Variants in AUTS2 observed in about 807,000 individuals in gnomAD.
The protein encoded by AUTS2 is activator of transcription and developmental regulator AUTS2.
Under a neutral mutation model 112.4 loss-of-function variants are expected in AUTS2, and 17 were observed. That is an observed-to-expected ratio of 0.15 (90% CI 0.10 to 0.23). The LOEUF (loss-of-function observed/expected upper bound fraction) is 0.23. Among genes scored for constraint, AUTS2 ranks in the 10% least tolerant of loss-of-function variants. The pLI is 1.00. For synonymous variants in AUTS2, 751 were observed against 702.7 expected (o/e 1.07, Z -1.09); for missense variants, 1,510 against 1,701.6 (o/e 0.89, Z 1.98).
chr7:70,681,525 A>AT (rs11312953), intron 5 of AUTS2, among the ~76,000 whole-genome samples: 38 of 97,786 alleles, frequency 3.9e-4, no homozygotes, highest in African/African-American at 1.2e-3. Context: ...ATATATATAT[A>AT]TTTTTTTTTT....
At chr7:70,677,376 C>T (rs754329884) in intron 5 of AUTS2, among the ~76,000 whole-genome samples, 1 of 152,200 alleles carries the variant, frequency 6.6e-6, no homozygotes, top group African/African-American at 2.4e-5. Flanking sequence ...AAATTCATCT[C>T]GTCCCAAGCA....
chr7:70,401,066 A>G (rs760455627), intron 4 of AUTS2, among the ~76,000 whole-genome samples: 4 of 152,172 alleles, frequency 2.6e-5, no homozygotes, highest in Non-Finnish European at 4.4e-5. Flanking sequence ...TATGGGAGGT[A>G]TTTTTGAGAG....
chr7:70,061,140 C>T (rs1802227180), intron 2 of AUTS2, among the ~76,000 whole-genome samples: 1 of 152,164 alleles, frequency 6.6e-6, no homozygotes, highest in Admixed American at 6.5e-5. Context: ...CTCAAGGGTT[C>T]ATTCTGGTTC....
intron 5 of AUTS2, among the ~76,000 whole-genome samples, chr7:70,569,304 GT>G (rs1301161441): frequency 1.3e-5 from 2 of 152,218 alleles, no homozygotes; most frequent in Admixed American, 6.5e-5. Flanking sequence ...AGCTCATAAA[GT>G]TGGTTCAAAC....
intron 1 of AUTS2, among the ~76,000 whole-genome samples, chr7:69,894,087 A>G (rs1455245154): frequency 1.3e-5 from 2 of 151,908 alleles, no homozygotes; most frequent in East Asian, 1.9e-4. Context: ...CTATTCTCCA[A>G]ACCTATTCAC....
chr7:69,827,375 C>G (rs1052770473), intron 1 of AUTS2, among the ~76,000 whole-genome samples: 1 of 152,058 alleles, frequency 6.6e-6, no homozygotes, highest in Non-Finnish European at 1.5e-5. Context: ...GCGCAGCACA[C>G]TTACCTCCAT....
intron 1 of AUTS2, among the ~76,000 whole-genome samples, chr7:69,604,002 G>A (rs1029164017): frequency 6.6e-6 from 1 of 152,134 alleles, no homozygotes; most frequent in Non-Finnish European, 1.5e-5. Context: ...TGTGCACTGG[G>A]TTCTTAGGGC....
At chr7:69,947,128 G>C (rs1269148555) in intron 2 of AUTS2, among the ~76,000 whole-genome samples, 1 of 152,188 alleles carries the variant, frequency 6.6e-6, no homozygotes. Context: ...GATTGAGGGA[G>C]GGAGCCATTG....
intron 6 of AUTS2, among the ~76,000 whole-genome samples, chr7:70,761,424 A>T (rs1338331434): frequency 6.6e-6 from 1 of 152,270 alleles, no homozygotes; most frequent in Non-Finnish European, 1.5e-5. Flanking sequence ...CGCCCAGGGC[A>T]GTTCATTTAA....
At position 69,624,339 on chromosome 7, in the gene AUTS2, G is replaced by GT. The variant is rs544021599; in HGVS notation, c.309+24385dup. ...GTACATGATAAAATGTGGTTTCTTA[G>GT]TTTTTTTTAAAAAAAGTTCCTTCCT... On this transcript the variant is annotated intron_variant, in intron 1 of 18. Transcript: ENST00000342771. 5.7e-3 allele frequency among the ~76,000 whole-genome samples: 866 copies of GT among 151,988 alleles called. 1 individual carries two copies. The highest frequency in any genetic ancestry group is 9.7e-3 in the Admixed American group (148 of 15,274).
Position 69,885,671 on chromosome 7 carries a change from A to G in AUTS2, c.310-13615A>G, listed in dbSNP as rs192316010. ...TGTGTTGCCAGTTGCTGATTTTCTCACTTTGGAAAGTCACTTGTTTACCCA... is the reference window on the plus strand; with the variant it reads ...TGTGTTGCCAGTTGCTGATTTTCTCGCTTTGGAAAGTCACTTGTTTACCCA... On this transcript the variant is annotated intron_variant, in intron 1 of 18. Coordinates refer to ENST00000342771, the MANE Select transcript of AUTS2 (RefSeq NM_015570.4). Among the ~76,000 whole-genome samples the G allele has an allele frequency of 1.8e-3, 273 of 152,300 alleles. 1 individual carries two copies. Among genetic ancestry groups the G allele is most frequent in the African/African-American group, 5.8e-3 (242 of 41,562 alleles).
chr7:70,432,217 G>T (rs533325449), intron 4 of AUTS2, among the ~76,000 whole-genome samples: 4 of 152,158 alleles, frequency 2.6e-5, no homozygotes, highest in African/African-American at 9.7e-5. Flanking sequence ...GGTCAAATCC[G>T]CTGGGACGCC....
intron 5 of AUTS2, among the ~76,000 whole-genome samples, chr7:70,660,290 A>G (rs986805605): frequency 6.6e-6 from 1 of 152,156 alleles, no homozygotes; most frequent in African/African-American, 2.4e-5. Context: ...CCCTGGGTCA[A>G]TGAGATCTCA....
chr7:69,971,959 G>C (rs535600789), intron 2 of AUTS2, among the ~76,000 whole-genome samples: 1 of 152,112 alleles, frequency 6.6e-6, no homozygotes, highest in African/African-American at 2.4e-5. Context: ...GCAGTTGCTG[G>C]GTAGTATGTA....
intron 6 of AUTS2, chr7:70,729,141 C>T (rs1211857827): frequency 2.2e-6 from 1 of 456,412 alleles, no homozygotes; most frequent in Non-Finnish European, 4.4e-6. Context: ...CTCCATCACT[C>T]TTTTTCTCCT....
At chr7:69,663,084 T>G (rs1795877384) in intron 1 of AUTS2, 1 of 152,232 alleles carries the variant, frequency 6.6e-6, no homozygotes, top group East Asian at 1.9e-4. Flanking sequence ...TCAGGTGACT[T>G]AACTGCCTAA....
At chr7:70,314,737 A>G (rs1234811447) in intron 4 of AUTS2, among the ~76,000 whole-genome samples, 2 of 152,200 alleles carry the variant, frequency 1.3e-5, no homozygotes, top group Non-Finnish European at 2.9e-5. Flanking sequence ...TTAACATGAA[A>G]ACATTGTTAT....
At chr7:69,751,126 G>C (rs1787720973) in intron 1 of AUTS2, among the ~76,000 whole-genome samples, 1 of 152,186 alleles carries the variant, frequency 6.6e-6, no homozygotes, top group South Asian at 2.1e-4. Flanking sequence ...GGGTGTGTGA[G>C]TTAAGAATGA....
At chr7:70,305,232 T>C (rs1174239596) in intron 4 of AUTS2, among the ~76,000 whole-genome samples, 1 of 152,206 alleles carries the variant, frequency 6.6e-6, no homozygotes, top group Non-Finnish European at 1.5e-5. Flanking sequence ...ATGAAAGTAT[T>C]GAGTAAAAGG....
Sources: allele counts gnomAD v4.1 joint callset (sites outside exome capture counted in the v4.1 genomes callset), GRCh38; gene constraint gnomAD v4.1.1; transcripts MANE v1.5; gene names NCBI Gene and HGNC (gene_info 2026-07-23, HGNC 2026-07-21).